MMEL1: variants seen among roughly 807,000 people sequenced by gnomAD.
The protein encoded by MMEL1 is membrane metalloendopeptidase like 1.
Under a neutral mutation model 117.1 loss-of-function variants are expected in MMEL1, and 98 were observed. The ratio of observed to expected loss-of-function variants is 0.84; its 90% CI spans 0.71 to 0.99. MMEL1 has a LOEUF of 0.99. Among genes scored for constraint, MMEL1 ranks in the 50% least tolerant of loss-of-function variants. The probability of loss-of-function intolerance (pLI) is 0.00; values close to 1 mark genes in which losing one functional copy is unlikely to be tolerated. For synonymous variants in MMEL1, 390 were observed against 415.1 expected (o/e 0.94, Z 0.74); for missense variants, 1,014 against 1,049.1 (o/e 0.97, Z 0.46).
In MMEL1 at chr1:2,591,461, T is replaced by C. The variant is rs376877706; in HGVS notation, c.2240+96A>G. 354 of 1,027,208 alleles carry C rather than the reference T, an allele frequency of 3.4e-4. No homozygotes were observed. In the East Asian group the frequency reaches 6.8e-3, roughly 20 times the overall value. The allele number at this position is 1,027,208 out of a possible 1,614,324, so 63.6% of individuals were successfully genotyped here. A position where few individuals can be genotyped will look rare whatever the true frequency, so the allele number is the denominator to read the frequency against. On this transcript the variant is annotated intron_variant, in intron 23 of 23. Transcript: ENST00000378412. ...TATTCCCAAAATAAACCTGTCTCTG[T>C]TGAGCCACTTTTTGTGCTTTCTTCT... is the stretch of plus-strand genomic sequence containing the variant.
intron 23 of MMEL1, 41 bp downstream of exon 23, chr1:2,591,516 G>A (rs1644707287): frequency 1.3e-6 from 2 of 1,521,544 alleles, no homozygotes; most frequent in African/African-American, 1.4e-5. Flanking sequence ...GGGGTGAGGG[G>A]GTTGTGGGTG....
Position 2,630,985 on chromosome 1 carries a change from GTGAT to G in MMEL1, c.-37-1468_-37-1465del, listed in dbSNP as rs999158658. 1.1e-4 allele frequency among the ~76,000 whole-genome samples: 17 copies of G among 151,988 alleles called. 1 individual carries two copies. The highest frequency in any genetic ancestry group is 5.9e-4 in the Admixed American group (9 of 15,272). ...CGCTCGTGTGTGCACGTGTGTGACT[GTGAT>G]TGTGCACCTGTGCGTGTGCGCTCAT... On this transcript the variant is annotated intron_variant, in intron 1 of 23. Transcript: ENST00000378412.
chr1:2,628,184 G>A (rs907997530), intron 2 of MMEL1, among the ~76,000 whole-genome samples: 1 of 152,172 alleles, frequency 6.6e-6, no homozygotes, highest in Non-Finnish European at 1.5e-5. Context: ...ACTGCCCACC[G>A]CCCATGGAGG....
In MMEL1 at chr1:2,595,154, T is replaced by C; in HGVS notation, c.1584+122A>G. The C allele has an allele frequency of 1.1e-6, 1 of 882,810 alleles. No homozygotes were observed. The highest frequency in any genetic ancestry group is 1.8e-6 in the Non-Finnish European group (1 of 560,556). The allele number at this position is 882,810 out of a possible 1,614,324, so 54.7% of individuals were successfully genotyped here. A position where few individuals can be genotyped will look rare whatever the true frequency, so the allele number is the denominator to read the frequency against. ...CTGGAGCCACCACCCTAGGGCACGG[T>C]GAGGACAGCTGTGTTAGCGCCTGGG... is the stretch of plus-strand genomic sequence containing the variant. On this transcript the variant is annotated intron_variant, in intron 16 of 23. Coordinates refer to ENST00000378412, the MANE Select transcript of MMEL1 (RefSeq NM_033467.4). The surrounding 1 kb of genome is among the most constrained non-coding windows in gnomAD (Gnocchi z 4.8).
chr1:2,629,307 CG>C, intron 2 of MMEL1, 23 bp downstream of exon 2: 12 of 1,513,078 alleles, frequency 7.9e-6, no homozygotes, highest in African/African-American at 1.4e-5. Context: ...CGGGGACAGG[CG>C]GGGGCGGGGC....
intron 2 of MMEL1, among the ~76,000 whole-genome samples, chr1:2,629,028 CGGCGGA>C (rs540228927): frequency 4.7e-4 from 71 of 151,704 alleles, no homozygotes; most frequent in East Asian, 3.3e-3. Flanking sequence ...TCCGGGAGTC[CGGCGGA>C]GGCGGAGGCG....
intron 2 of MMEL1, among the ~76,000 whole-genome samples, chr1:2,621,721 G>A (rs368317950): frequency 2.0e-5 from 3 of 152,060 alleles, no homozygotes; most frequent in East Asian, 1.9e-4. Context: ...CCGCCATCAC[G>A]CCTGGCTAAT....
At chr1:2,591,798 C>A in intron 22 of MMEL1, 134 bp downstream of exon 22, 1 of 1,082,230 alleles carries the variant, frequency 9.2e-7, no homozygotes, top group South Asian at 1.4e-5. Context: ...CCAGCTCCCG[C>A]CCCCTGCCCC....
At chr1:2,611,567 T>C (rs563772422) in intron 3 of MMEL1, among the ~76,000 whole-genome samples, 26 of 152,252 alleles carry the variant, frequency 1.7e-4, no homozygotes, top group South Asian at 1.4e-3. Flanking sequence ...CTCCACCCCA[T>C]CTTCCATCCC....
chr1:2,626,826 T>C (rs1020852774), intron 2 of MMEL1, among the ~76,000 whole-genome samples: 1 of 152,128 alleles, frequency 6.6e-6, no homozygotes, highest in Non-Finnish European at 1.5e-5. Context: ...GAGGAAATAA[T>C]GATAGGTTGA....
chr1:2,608,763 C>A (rs1645073529), intron 6 of MMEL1, among the ~76,000 whole-genome samples: 1 of 152,052 alleles, frequency 6.6e-6, no homozygotes, highest in Admixed American at 6.5e-5. Flanking sequence ...CACATGTGCA[C>A]ACAATGCACA....
intron 1 of MMEL1, among the ~76,000 whole-genome samples, chr1:2,631,194 T>C (rs967973278): frequency 6.6e-6 from 1 of 152,144 alleles, no homozygotes; most frequent in Non-Finnish European, 1.5e-5. Context: ...GCTGGGTGCT[T>C]TGGCCTTCCA....
chr1:2,607,133 C>A, intron 6 of MMEL1, 64 bp from the exon 7 acceptor site: 1 of 1,453,676 alleles, frequency 6.9e-7, no homozygotes. Flanking sequence ...CGACACAGAA[C>A]TGTGGGGGCG....
intron 12 of MMEL1, 90 bp downstream of exon 12, chr1:2,598,564 T>A: frequency 1.3e-6 from 2 of 1,574,396 alleles, no homozygotes; most frequent in Non-Finnish European, 1.7e-6. Context: ...CTTCATAGGG[T>A]CCCCTCCTGG....
chr1:2,630,586 C>T (rs959942676), intron 1 of MMEL1, among the ~76,000 whole-genome samples: 1 of 143,112 alleles, frequency 7.0e-6, no homozygotes, highest in Non-Finnish European at 1.5e-5. Flanking sequence ...TGAGTGTGCA[C>T]GTGTGTGTCC....
rs1325680882 is a variant in MMEL1 at position 2,609,342 on chromosome 1, G to A, written c.532C>T (p.Gln178Ter). The A allele has an allele frequency of 2.5e-6, 4 of 1,610,912 alleles. No homozygotes were observed. The highest frequency in any genetic ancestry group is 2.7e-5 in the African/African-American group (2 of 74,994). ...CTTCCTGGCGGCCCCCACTCACTCT[G>A]GTTCATGCAGGAGCGGTACAGCGTC... The part of the protein sequence containing the change: ...ARTLYRSCMN[Q>*]SVIEKRGSQP... The change falls in exon 6 of 24, where the codon CAG becomes TAG. Residue 178 changes from glutamine (Q) to a stop codon, truncating the protein, a stop_gained. Transcript: ENST00000378412. LOFTEE classifies it high-confidence loss of function.
chr1:2,605,374 C>A (rs72646003), intron 9 of MMEL1, among the ~76,000 whole-genome samples, 184 bp downstream of exon 9: 16,501 of 152,134 alleles, frequency 0.11, 1,228 homozygotes, highest in Non-Finnish European at 0.16. Flanking sequence ...GGAACGTCCC[C>A]CAGGATGGTG....
chr1:2,629,348 A>G lies in MMEL1; in HGVS notation c.137T>C (p.Leu46Pro). 1 of 1,541,704 alleles carries G rather than the reference A, an allele frequency of 6.5e-7. No individual in the cohort carries two copies. The change falls in exon 2 of 24, where the codon CTC (leucine) becomes CCC (proline). Residue 46 changes from leucine (L) to proline (P), a missense_variant. Transcript: ENST00000378412. ...VTAALVALGV[L>P]YADRRGKQLP... ...GCACTCACCTCTGCGGTCGGCGTAG[A>G]GGACACCCAAGGCCACCAGGGCAGC...
chr1:2,621,840 G>A (rs1054804887), intron 2 of MMEL1, among the ~76,000 whole-genome samples: 5 of 152,128 alleles, frequency 3.3e-5, no homozygotes, highest in South Asian at 4.2e-4. Context: ...GGGATTACAG[G>A]TGTGAGCCAC....
Sources: gnomAD v4.1 joint callset for allele counts (sites outside exome capture counted in the v4.1 genomes callset) on GRCh38, gnomAD v4.1.1 for gene constraint, Gnocchi (gnomAD v3.1) non-coding constraint, MANE v1.5 for transcripts, NCBI Gene and HGNC (gene_info 2026-07-23, HGNC 2026-07-21) for gene names.